Variants in DACH2 observed in about 807,000 individuals in gnomAD.
The protein encoded by DACH2 is dachshund family transcription factor 2.
A neutral mutation model predicts 35.8 loss-of-function variants in DACH2; 17 were observed. The ratio of observed to expected loss-of-function variants is 0.48; its 90% CI spans 0.33 to 0.71. The LOEUF (loss-of-function observed/expected upper bound fraction) is 0.71, where lower values mean the gene tolerates loss of function less well. Ranked by LOEUF, DACH2 falls within the 30% of genes least tolerant of loss-of-function variation. The pLI, the probability that DACH2 is intolerant of heterozygous loss-of-function variation, is 0.02. For missense variants in DACH2, 469 were observed against 472.7 expected, an observed-to-expected ratio of 0.99 and a Z score of 0.07; for synonymous variants, 195 against 177.3, an observed-to-expected ratio of 1.10 and a Z score of -0.79.
At chrX:86,410,556 C>T (rs1462460721) in intron 2 of DACH2, among the ~76,000 whole-genome samples, 1 of 111,249 alleles carries the variant, frequency 9.0e-6, no homozygotes, top group Non-Finnish European at 1.9e-5. Context: ...CACAAGCCTT[C>T]CCAAAAACAT....
At chrX:86,695,760 G>A (rs192331964) in intron 5 of DACH2, among the ~76,000 whole-genome samples, 61 of 109,804 alleles carry the variant, frequency 5.6e-4, no homozygotes, top group Non-Finnish European at 9.5e-4. Context: ...TGATCCACTC[G>A]CCTAGGCCTC....
At chrX:86,667,464 A>G (rs1273105451) in intron 4 of DACH2, among the ~76,000 whole-genome samples, 6 of 101,625 alleles carry the variant, frequency 5.9e-5, no homozygotes, top group African/African-American at 2.2e-4. Flanking sequence ...AGAAAGAATG[A>G]ATGAAAGAAA....
chrX:86,643,023 A>T (rs968487590), intron 3 of DACH2, among the ~76,000 whole-genome samples: 1 of 110,884 alleles, frequency 9.0e-6, no homozygotes, highest in African/African-American at 3.3e-5. Flanking sequence ...TCAAATTAAC[A>T]ATCTAATTTC....
At chrX:86,654,753 T>C (rs1174511801) in intron 4 of DACH2, among the ~76,000 whole-genome samples, 3 of 111,436 alleles carry the variant, frequency 2.7e-5, no homozygotes, top group Non-Finnish European at 3.8e-5. Flanking sequence ...ATACTCCCAT[T>C]TTATAGATCT....
At chrX:86,731,315 G>A (rs1227440291) in intron 6 of DACH2, among the ~76,000 whole-genome samples, 1 of 111,238 alleles carries the variant, frequency 9.0e-6, no homozygotes, top group Non-Finnish European at 1.9e-5. Context: ...TTAACAACTG[G>A]CTCACAAAAT....
At chrX:86,330,588 T>A (rs954800922) in intron 1 of DACH2, among the ~76,000 whole-genome samples, 2 of 111,638 alleles carry the variant, frequency 1.8e-5, no homozygotes, top group African/African-American at 6.5e-5. Flanking sequence ...TATGAAATAA[T>A]AATAATTTTA....
chrX:86,812,745 A>T (rs2042406642), intron 7 of DACH2, 111 bp from the exon 8 acceptor site: 3 of 435,779 alleles, frequency 6.9e-6, no homozygotes, highest in Non-Finnish European at 1.1e-5. Context: ...TGAGAATGTC[A>T]GTCATTTAGT....
At chrX:86,387,529 A>G (rs960271574) in intron 2 of DACH2, among the ~76,000 whole-genome samples, 5 of 111,783 alleles carry the variant, frequency 4.5e-5, no homozygotes, top group Admixed American at 3.8e-4. Context: ...CTTAACATCT[A>G]GAAGTCTCTA....
rs145437373 is a variant in DACH2 at position 86,473,573 on chromosome X, G to C, written c.528-40706G>C. 8.6e-3 allele frequency among the ~76,000 whole-genome samples: 949 copies of C among 110,659 alleles called. 10 individuals are homozygous for C. Among genetic ancestry groups the C allele is most frequent in the African/African-American group, 0.03 (919 of 30,448 alleles). On this transcript the variant is annotated intron_variant, in intron 2 of 11. Coordinates refer to ENST00000373125, the MANE Select transcript of DACH2 (RefSeq NM_053281.3). ...ACCATTCTACTCTCTATTTCCATGAGTTCAATTTTTTTTTATTTTTAGATC... is the reference window on the plus strand; with the variant it reads ...ACCATTCTACTCTCTATTTCCATGACTTCAATTTTTTTTTATTTTTAGATC...
At chrX:86,529,465 A>C in intron 3 of DACH2, among the ~76,000 whole-genome samples, 1 of 96,403 alleles carries the variant, frequency 1.0e-5, no homozygotes, top group African/African-American at 3.7e-5. Context: ...CTCTACCCCC[A>C]TGTGATCAAC....
At chrX:86,629,877 A>AAATAAT (rs926260016) in intron 3 of DACH2, among the ~76,000 whole-genome samples, 1 of 111,357 alleles carries the variant, frequency 9.0e-6, no homozygotes, top group African/African-American at 3.3e-5. Flanking sequence ...CCTGTCTCAA[A>AAATAAT]AATAATAATA....
At chrX:86,297,930 G>T (rs754858983) in intron 1 of DACH2, among the ~76,000 whole-genome samples, 1 of 111,767 alleles carries the variant, frequency 8.9e-6, no homozygotes, top group African/African-American at 3.2e-5. Context: ...AAATTGGGAT[G>T]TATAGTTACT....
At chrX:86,570,661 G>T (rs5968945) in intron 3 of DACH2, among the ~76,000 whole-genome samples, 3 of 108,916 alleles carry the variant, frequency 2.8e-5, no homozygotes, top group South Asian at 3.9e-4. Flanking sequence ...GGGTTGACAG[G>T]TTCAGCAAAC....
intron 3 of DACH2, among the ~76,000 whole-genome samples, chrX:86,630,194 A>C: frequency 9.1e-6 from 1 of 110,369 alleles, no homozygotes; most frequent in East Asian, 2.8e-4. Context: ...ACATGTGTAA[A>C]GCTTTGAAAA....
In DACH2 at chrX:86,698,519, G is replaced by GTTTTTTTT. The variant is rs1378300889; in HGVS notation, c.931+3341_931+3342insTTTTTTTT. ...TTCTTCTTTTTGTTTTGTTAGTTTTGTGTTTTTTTTTTTTTTTTTTTTTTT... is the reference window on the plus strand; with the variant it reads ...TTCTTCTTTTTGTTTTGTTAGTTTTGTTTTTTTTTGTTTTTTTTTTTTTTTTTTTTTTT... On this transcript the variant is annotated intron_variant, in intron 5 of 11. Coordinates refer to ENST00000373125, the MANE Select transcript of DACH2 (RefSeq NM_053281.3). 7.9e-3 allele frequency among the ~76,000 whole-genome samples: 254 copies of GTTTTTTTT among 32,053 alleles called. 20 individuals carry two copies. Among genetic ancestry groups the GTTTTTTTT allele is most frequent in the African/African-American group, 0.018 (138 of 7,815 alleles). The allele number at this position is 32,053 out of a possible 115,157, so 27.8% of individuals were successfully genotyped here.
At chrX:86,481,366 G>A (rs2037932790) in intron 2 of DACH2, among the ~76,000 whole-genome samples, 1 of 111,567 alleles carries the variant, frequency 9.0e-6, no homozygotes. Context: ...TGTTTTTATG[G>A]ATTTGAGTTT....
At chrX:86,432,873 A>C (rs2037007390) in intron 2 of DACH2, among the ~76,000 whole-genome samples, 1 of 112,310 alleles carries the variant, frequency 8.9e-6, no homozygotes, top group African/African-American at 3.2e-5. Flanking sequence ...GAATCTATTA[A>C]GACTACAGGA....
Position 86,630,485 on chromosome X carries a change from T to C in DACH2, c.641-20551T>C, listed in dbSNP as rs184554419. On this transcript the variant is annotated intron_variant, in intron 3 of 11. Transcript: ENST00000373125. Reference sequence around the variant, plus strand: ...TGATAAGTGCTAGGTAAGGTTTTTATTAACTCATTGTTACCTAATTTGGCC... The same window carrying C: ...TGATAAGTGCTAGGTAAGGTTTTTACTAACTCATTGTTACCTAATTTGGCC... Among the ~76,000 whole-genome samples, 311 of 110,286 alleles carry C rather than the reference T, an allele frequency of 2.8e-3. 2 individuals are homozygous for C. The highest frequency in any genetic ancestry group is 9.8e-3 in the African/African-American group (296 of 30,276).
At chrX:86,771,782 C>T (rs1214640756) in intron 7 of DACH2, among the ~76,000 whole-genome samples, 1 of 111,767 alleles carries the variant, frequency 8.9e-6, no homozygotes, top group Non-Finnish European at 1.9e-5. Flanking sequence ...TTTTTTATCT[C>T]TCGGTTTCCT....
Sources: gnomAD v4.1 joint callset for allele counts (sites outside exome capture counted in the v4.1 genomes callset) on GRCh38, gnomAD v4.1.1 for gene constraint, MANE v1.5 for transcripts, NCBI Gene and HGNC (gene_info 2026-07-23, HGNC 2026-07-21) for gene names.